The following C9orf153 variants were observed in gnomAD, a reference collection of about 807,000 sequenced individuals.
C9orf153 encodes the protein uncharacterized protein C9orf153.
In C9orf153, 10 loss-of-function variants were observed where a neutral mutation model predicts 9.0. The ratio of observed to expected loss-of-function variants is 1.11; its 90% CI spans 0.69 to 1.89. The LOEUF is 1.89. C9orf153 is among the 40% of genes most tolerant of loss of function. The pLI is 0.00. For synonymous variants in C9orf153, 35 were observed against 37.3 expected (o/e 0.94, Z 0.23); for missense variants, 108 against 111.0 (o/e 0.97, Z 0.12).
intron 1 of C9orf153, among the ~76,000 whole-genome samples, chr9:86,236,284 C>T (rs977794301): frequency 6.6e-6 from 1 of 152,118 alleles, no homozygotes; most frequent in African/African-American, 2.4e-5. Context: ...GGCGTGGTGT[C>T]TCATGCCTGT....
chr9:86,241,601 G>A (rs930292039), intron 1 of C9orf153, among the ~76,000 whole-genome samples: 1 of 152,128 alleles, frequency 6.6e-6, no homozygotes, highest in Non-Finnish European at 1.5e-5. Flanking sequence ...ACATAGACAA[G>A]GTTTTATAGG....
At chr9:86,250,601 G>A (rs1004284291) in intron 1 of C9orf153, among the ~76,000 whole-genome samples, 6 of 152,170 alleles carry the variant, frequency 3.9e-5, no homozygotes, top group African/African-American at 1.4e-4. Context: ...TTACAATAAT[G>A]TAATATACAT....
chr9:86,234,846 A>C (rs577744789), intron 1 of C9orf153, among the ~76,000 whole-genome samples: 1 of 152,324 alleles, frequency 6.6e-6, no homozygotes, highest in South Asian at 2.1e-4. Flanking sequence ...GAACACTTAG[A>C]AATCAGCAAT....
intron 3 of C9orf153, among the ~76,000 whole-genome samples, chr9:86,225,525 CT>C (rs1824309714): frequency 6.6e-6 from 1 of 151,838 alleles, no homozygotes; most frequent in South Asian, 2.1e-4. Context: ...GTGGCGCGAT[CT>C]TGGCTCACCA....
intron 1 of C9orf153, among the ~76,000 whole-genome samples, chr9:86,245,086 C>T (rs182947433): frequency 1.2e-4 from 19 of 152,226 alleles, no homozygotes; most frequent in African/African-American, 4.6e-4. Context: ...GCCACCACAA[C>T]CAACTAATTT....
At position 86,251,914 on chromosome 9, in the gene C9orf153, T is replaced by TACACACACACACACACACACACAC. The variant is rs34620205; in HGVS notation, c.-27+7612_-27+7635dup. On this transcript the variant is annotated intron_variant, in intron 1 of 3. Coordinates refer to ENST00000339137, the MANE Select transcript of C9orf153 (RefSeq NM_001276366.4). ...GGTTTTTCTTTAGCTTTAGGTAAAC[T>TACACACACACACACACACACACAC]ACACACACACACACACACACACACA... is the stretch of plus-strand genomic sequence containing the variant. Among the ~76,000 whole-genome samples the TACACACACACACACACACACACAC allele has an allele frequency of 5.6e-3, 791 of 140,214 alleles. 12 individuals carry two copies. Among genetic ancestry groups the TACACACACACACACACACACACAC allele is most frequent in the African/African-American group, 0.017 (595 of 35,896 alleles). 92.0% of individuals were successfully genotyped at this position (140,214 alleles called of 152,430 possible).
At position 86,221,585 on chromosome 9, in the gene C9orf153, A is replaced by T; in HGVS notation, c.*103T>A. On this transcript the variant is annotated 3_prime_UTR_variant, in exon 4 of 4. Coordinates refer to ENST00000339137, the MANE Select transcript of C9orf153 (RefSeq NM_001276366.4). ...AAGACTTGCGAACTATAGGGGGGAA[A>T]ATAACGTCAGGCATGTCCTGGCTCT... 7.0e-7 allele frequency: 1 copy of T among 1,427,508 alleles called. No homozygotes were observed. Among genetic ancestry groups the T allele is most frequent in the Non-Finnish European group, 9.2e-7 (1 of 1,088,058 alleles). The allele number at this position is 1,427,508 out of a possible 1,614,324, so 88.4% of individuals were successfully genotyped here.
In C9orf153 at chr9:86,226,229, GT is replaced by G. The variant is rs1218723688; in HGVS notation, c.242+1625del. ...CTCTGTTAAGATGTCAATGTAGGGA[GT>G]TACAGCAAAAGCTCTTCCAACTCTT... On this transcript the variant is annotated intron_variant, in intron 3 of 3. Transcript: ENST00000339137. Among the ~76,000 whole-genome samples the G allele has an allele frequency of 3.9e-5, 6 of 152,152 alleles. No individual in the cohort carries two copies. The East Asian group carries it at 7.7e-4, about 20-fold the overall frequency.
At chr9:86,258,075 G>C (rs1177758372) in intron 1 of C9orf153, among the ~76,000 whole-genome samples, 1 of 152,266 alleles carries the variant, frequency 6.6e-6, no homozygotes, top group East Asian at 1.9e-4. Context: ...CGGGTGCGGT[G>C]GCTCACGCCC....
At chr9:86,232,188 G>A in intron 1 of C9orf153, among the ~76,000 whole-genome samples, 1 of 152,186 alleles carries the variant, frequency 6.6e-6, no homozygotes, top group East Asian at 1.9e-4. Context: ...GCACAAATAA[G>A]TTTAGATTCT....
intron 1 of C9orf153, among the ~76,000 whole-genome samples, chr9:86,238,073 A>G (rs1249409605): frequency 2.6e-5 from 4 of 152,174 alleles, no homozygotes; most frequent in Admixed American, 6.6e-5. Context: ...TGACAGAGAG[A>G]GACTTTGACG....
chr9:86,249,584 T>G (rs1408352896), intron 1 of C9orf153, among the ~76,000 whole-genome samples: 2 of 151,744 alleles, frequency 1.3e-5, no homozygotes, highest in African/African-American at 4.9e-5. Context: ...GGTCTTACTC[T>G]GTCACCCAGG....
intron 1 of C9orf153, among the ~76,000 whole-genome samples, chr9:86,247,420 A>G (rs1587808476): frequency 6.6e-6 from 1 of 152,076 alleles, no homozygotes; most frequent in Non-Finnish European, 1.5e-5. Context: ...GGTGGCTCAC[A>G]TCTGTAATCC....
At chr9:86,242,558 G>A (rs1824772829) in intron 1 of C9orf153, among the ~76,000 whole-genome samples, 1 of 152,190 alleles carries the variant, frequency 6.6e-6, no homozygotes, top group Admixed American at 6.5e-5. Flanking sequence ...TAATTGTACA[G>A]TATGAGTCCA....
At chr9:86,231,711 G>C (rs906840604) in intron 1 of C9orf153, among the ~76,000 whole-genome samples, 3 of 149,120 alleles carry the variant, frequency 2.0e-5, no homozygotes, top group Non-Finnish European at 2.9e-5. Context: ...TGATATACAG[G>C]ACTAGAAAAG....
chr9:86,221,381 T>C lies in C9orf153; in HGVS notation c.*307A>G, dbSNP rs1824199718. 9.2e-6 allele frequency: 3 copies of C among 327,252 alleles called. No homozygotes were observed. Among genetic ancestry groups the C allele is most frequent in the Non-Finnish European group, 1.6e-5 (3 of 191,030 alleles). 20.3% of individuals were successfully genotyped at this position (327,252 alleles called of 1,614,324 possible). ...CTTAATTTTACAATATACCTTCATGTGTGTTGTACACACTCACTTCAGATG... is the reference window on the plus strand; with the variant it reads ...CTTAATTTTACAATATACCTTCATGCGTGTTGTACACACTCACTTCAGATG... On this transcript the variant is annotated 3_prime_UTR_variant, in exon 4 of 4. Coordinates refer to ENST00000339137, the MANE Select transcript of C9orf153 (RefSeq NM_001276366.4).
chr9:86,258,872 C>T (rs932508046), intron 1 of C9orf153, among the ~76,000 whole-genome samples: 25 of 151,222 alleles, frequency 1.7e-4, no homozygotes, highest in Admixed American at 1.4e-3. Context: ...TTGTGTGGTA[C>T]GTTTGTTATA....
chr9:86,221,987 A>G (rs1275218394), intron 3 of C9orf153, among the ~76,000 whole-genome samples: 1 of 152,016 alleles, frequency 6.6e-6, no homozygotes, highest in Non-Finnish European at 1.5e-5. Flanking sequence ...CCGGGTTCAA[A>G]TGATTCTCCT....
chr9:86,234,426 G>T (rs1369658697), intron 1 of C9orf153, among the ~76,000 whole-genome samples: 1 of 152,174 alleles, frequency 6.6e-6, no homozygotes, highest in Non-Finnish European at 1.5e-5. Flanking sequence ...ATGGTGAATC[G>T]ATTTTCTGAC....
Sources: allele counts gnomAD v4.1 joint callset (sites outside exome capture counted in the v4.1 genomes callset), GRCh38; gene constraint gnomAD v4.1.1; transcripts MANE v1.5; gene names NCBI Gene and HGNC (gene_info 2026-07-23, HGNC 2026-07-21).